PTPRN2: variants seen among roughly 807,000 people sequenced by gnomAD.
PTPRN2 encodes the protein receptor-type tyrosine-protein phosphatase N2.
A neutral mutation model predicts 118.8 loss-of-function variants in PTPRN2; 74 were observed. The observed-to-expected ratio is 0.62, with a 90% CI of 0.52 to 0.76. The LOEUF (loss-of-function observed/expected upper bound fraction) is 0.76. Ranked by LOEUF, PTPRN2 falls within the 30% of genes least tolerant of loss-of-function variation. The probability of loss-of-function intolerance (pLI) is 0.00; values close to 1 mark genes in which losing one functional copy is unlikely to be tolerated. For missense variants in PTPRN2, 1,481 were observed against 1,394.4 expected, an observed-to-expected ratio of 1.06 and a Z score of -0.99; for synonymous variants, 641 against 608.0, an observed-to-expected ratio of 1.05 and a Z score of -0.80.
chr7:158,117,285 T>G (rs1270851954), intron 9 of PTPRN2, among the ~76,000 whole-genome samples: 1 of 152,030 alleles, frequency 6.6e-6, no homozygotes, highest in Admixed American at 6.6e-5. Context: ...AAAAGTTCAC[T>G]AGAGAGATTC....
Position 158,472,883 on chromosome 7 carries a change from C to A in PTPRN2, c.163+16852G>T, listed in dbSNP as rs537158829. Among the ~76,000 whole-genome samples the A allele has an allele frequency of 6.6e-5, 10 of 152,256 alleles. No individual in the cohort carries two copies. The South Asian group carries it at 8.3e-4, about 13-fold the overall frequency. On this transcript the variant is annotated intron_variant, in intron 2 of 22. Coordinates refer to ENST00000389418, the MANE Select transcript of PTPRN2 (RefSeq NM_002847.5). ...GGCAGCAGTGGCGGCGGGGCGGGGG[C>A]CTTACACTAGAGAACCCGGCTGCAA...
chr7:158,065,630 C>G (rs1477787578), intron 11 of PTPRN2, among the ~76,000 whole-genome samples: 2 of 152,162 alleles, frequency 1.3e-5, no homozygotes, highest in Non-Finnish European at 2.9e-5. Context: ...CGGGTCAGAC[C>G]AAGGTTTTGT....
At chr7:158,369,985 G>A (rs1394811533) in intron 2 of PTPRN2, among the ~76,000 whole-genome samples, 3 of 152,194 alleles carry the variant, frequency 2.0e-5, no homozygotes, top group African/African-American at 4.8e-5. Context: ...CAGAAACACC[G>A]AGGGCAGAAC....
intron 3 of PTPRN2, among the ~76,000 whole-genome samples, chr7:158,223,400 A>G (rs1331579998): frequency 6.6e-6 from 1 of 152,194 alleles, no homozygotes; most frequent in African/African-American, 2.4e-5. Context: ...TCCCTCACAA[A>G]TGTAGACACA....
At chr7:158,143,653 G>A (rs1819600502) in intron 6 of PTPRN2, among the ~76,000 whole-genome samples, 3 of 152,188 alleles carry the variant, frequency 2.0e-5, no homozygotes, top group African/African-American at 7.2e-5. Flanking sequence ...TCCTCATCAG[G>A]TGAGTGGGGC....
chr7:158,127,118 C>T (rs945336965), intron 9 of PTPRN2, among the ~76,000 whole-genome samples: 6 of 152,176 alleles, frequency 3.9e-5, no homozygotes, highest in African/African-American at 9.7e-5. Context: ...AGGTCAACGC[C>T]GCCCCATGCC....
intron 10 of PTPRN2, among the ~76,000 whole-genome samples, chr7:158,106,966 C>T (rs1297038735): frequency 6.6e-6 from 1 of 152,148 alleles, no homozygotes; most frequent in Non-Finnish European, 1.5e-5. Flanking sequence ...CTATTTTCAA[C>T]CTCTGTGAAA....
At position 158,015,491 on chromosome 7, in the gene PTPRN2, G is replaced by C. The variant is rs558809998; in HGVS notation, c.1723+65807C>G. The stretch of plus-strand genomic sequence containing the variant: ...AGAGAGGAAGAGAGGGAGAGAGGGA[G>C]AGAGGGAGATAGAGGGAGGGGTGGG... On this transcript the variant is annotated intron_variant, in intron 11 of 22. Coordinates refer to ENST00000389418, the MANE Select transcript of PTPRN2 (RefSeq NM_002847.5). This position sits in a 1 kb window ranked among gnomAD's most constrained non-coding sequence, Gnocchi z 4.2. Among the ~76,000 whole-genome samples the C allele has an allele frequency of 2.3e-4, 35 of 151,720 alleles. No homozygotes were observed. The highest frequency in any genetic ancestry group is 8.0e-4 in the African/African-American group (33 of 41,330).
intron 10 of PTPRN2, among the ~76,000 whole-genome samples, chr7:158,086,387 G>A (rs144509268): frequency 3.9e-5 from 6 of 152,288 alleles, no homozygotes; most frequent in African/African-American, 1.4e-4. Flanking sequence ...CCCTCACTCA[G>A]CCACAAAGGG....
chr7:158,181,207 T>C (rs1824675930), intron 5 of PTPRN2, among the ~76,000 whole-genome samples: 1 of 152,202 alleles, frequency 6.6e-6, no homozygotes, highest in Non-Finnish European at 1.5e-5. Flanking sequence ...TCGTATGGTG[T>C]TTGTTTTTAA....
At chr7:158,129,793 C>T (rs1025300097) in intron 9 of PTPRN2, among the ~76,000 whole-genome samples, 10 of 152,160 alleles carry the variant, frequency 6.6e-5, no homozygotes, top group African/African-American at 2.2e-4. Context: ...TCACTTAGGG[C>T]CTGCCTGTGA....
intron 12 of PTPRN2, among the ~76,000 whole-genome samples, chr7:157,882,845 A>G (rs1312627385): frequency 6.7e-6 from 1 of 150,238 alleles, no homozygotes; most frequent in Non-Finnish European, 1.5e-5. Context: ...AGATAAAAAC[A>G]TGCCACCCCC....
intron 3 of PTPRN2, among the ~76,000 whole-genome samples, chr7:158,249,009 CAT>C (rs1796461929): frequency 6.7e-6 from 1 of 150,302 alleles, no homozygotes; most frequent in Non-Finnish European, 1.5e-5. Flanking sequence ...ACATGCAGCA[CAT>C]ATGTGCATAC....
At chr7:158,470,180 T>A (rs542767339) in intron 2 of PTPRN2, among the ~76,000 whole-genome samples, 1 of 152,240 alleles carries the variant, frequency 6.6e-6, no homozygotes, top group African/African-American at 2.4e-5. Context: ...AATATGGTTA[T>A]AGCATTTTAT....
chr7:158,385,699 T>C (rs1033408224), intron 2 of PTPRN2, among the ~76,000 whole-genome samples: 2 of 152,214 alleles, frequency 1.3e-5, no homozygotes, highest in Non-Finnish European at 2.9e-5. Context: ...TCAGGCCTGC[T>C]ACTGATGAGC....
chr7:158,467,548 C>A (rs1797184304), intron 2 of PTPRN2, among the ~76,000 whole-genome samples: 1 of 152,108 alleles, frequency 6.6e-6, no homozygotes, highest in Admixed American at 6.5e-5. Flanking sequence ...AGGAGCTCTT[C>A]CTGTATGTTT....
chr7:158,263,112 AC>A (rs1797631494), intron 3 of PTPRN2, among the ~76,000 whole-genome samples: 1 of 58,740 alleles, frequency 1.7e-5, no homozygotes, highest in African/African-American at 7.8e-5. Flanking sequence ...GCACACACAC[AC>A]TGCACACACA....
At chr7:158,260,287 T>C (rs1797311473) in intron 3 of PTPRN2, among the ~76,000 whole-genome samples, 1 of 152,240 alleles carries the variant, frequency 6.6e-6, no homozygotes, top group Non-Finnish European at 1.5e-5. Flanking sequence ...CCAAGTCAGC[T>C]AGCTTGACAA....
chr7:158,331,298 C>G (rs1586300801), intron 2 of PTPRN2, among the ~76,000 whole-genome samples: 2 of 147,196 alleles, frequency 1.4e-5, no homozygotes, highest in Non-Finnish European at 1.5e-5. Context: ...CACTCACACC[C>G]ACACTCTCAC....
Sources: gnomAD v4.1 joint callset for allele counts (sites outside exome capture counted in the v4.1 genomes callset) on GRCh38, gnomAD v4.1.1 for gene constraint, Gnocchi (gnomAD v3.1) non-coding constraint, MANE v1.5 for transcripts, NCBI Gene and HGNC (gene_info 2026-07-23, HGNC 2026-07-21) for gene names.